NPAS3: variants seen among roughly 807,000 people sequenced by gnomAD.
The protein encoded by NPAS3 is neuronal PAS domain protein 3, also known as neuronal PAS domain-containing protein 3.
In NPAS3, 14 loss-of-function variants were observed where a neutral mutation model predicts 73.1. The ratio of observed to expected loss-of-function variants is 0.19; its 90% CI spans 0.13 to 0.30. The LOEUF (loss-of-function observed/expected upper bound fraction) is 0.30. NPAS3 is among the 10% of genes least tolerant of loss of function. The pLI is 1.00. For synonymous variants in NPAS3, 620 were observed against 541.5 expected (o/e 1.14, Z -2.01); for missense variants, 1,096 against 1,250.0 (o/e 0.88, Z 1.86).
At position 33,695,987 on chromosome 14, in the gene NPAS3, C is replaced by T. The variant is rs117768183; in HGVS notation, c.733+19602C>T. On this transcript the variant is annotated intron_variant, in intron 6 of 11. Transcript: ENST00000356141. The stretch of plus-strand genomic sequence containing the variant: ...GTTGAGAAATTGACTGTATTCCTCT[C>T]GAAGAAGAAATATTACTTTCTTTTC... Among the ~76,000 whole-genome samples the T allele has an allele frequency of 9.2e-3, 1,393 of 152,200 alleles. 13 individuals are homozygous for T. Among genetic ancestry groups the T allele is most frequent in the Non-Finnish European group, 0.016 (1,058 of 67,972 alleles).
chr14:33,726,006 C>T (rs2061254046), intron 6 of NPAS3, among the ~76,000 whole-genome samples: 2 of 152,150 alleles, frequency 1.3e-5, no homozygotes, highest in African/African-American at 4.8e-5. Flanking sequence ...TTTATTTCCC[C>T]CATTTCAAAG....
intron 2 of NPAS3, among the ~76,000 whole-genome samples, chr14:33,208,104 A>AG (rs1362301985): frequency 7.1e-5 from 5 of 70,422 alleles, no homozygotes; most frequent in South Asian, 3.2e-4. Flanking sequence ...ATAAAACTGC[A>AG]GTTTTTTTTT....
At position 33,520,393 on chromosome 14, in the gene NPAS3, TCTG is replaced by T. The variant is rs1377688180; in HGVS notation, c.469-39724_469-39722del. Among the ~76,000 whole-genome samples the T allele has an allele frequency of 5.3e-5, 8 of 152,112 alleles. 1 individual carries two copies. The highest frequency in any genetic ancestry group is 3.9e-4 in the Admixed American group (6 of 15,242). Reference sequence around the variant, plus strand: ...GTCTGAGTTTGGTTGTTTTGTTTCATCTGCTGAGGGAGGTTTGTTTTCTTTTTT... The same window carrying T: ...GTCTGAGTTTGGTTGTTTTGTTTCATCTGAGGGAGGTTTGTTTTCTTTTTT... On this transcript the variant is annotated intron_variant, in intron 4 of 11. Transcript: ENST00000356141.
intron 2 of NPAS3, among the ~76,000 whole-genome samples, chr14:33,152,261 G>C (rs1804387760): frequency 6.6e-6 from 1 of 152,118 alleles, no homozygotes; most frequent in South Asian, 2.1e-4. Context: ...CCAAGGTGTT[G>C]ATTTCAATAG....
At chr14:32,938,469 G>GAGAGAGAGAAATTGAC (rs2035777769), upstream of NPAS3, among the ~76,000 whole-genome samples, 2 of 124,678 alleles carry the variant, frequency 1.6e-5, no homozygotes, top group Non-Finnish European at 1.7e-5. Flanking sequence ...GAGAGAGAGA[G>GAGAGAGAGAAATTGAC]AGAGAGAGAG....
chr14:33,450,293 T>C (rs1390787888), intron 4 of NPAS3, among the ~76,000 whole-genome samples: 2 of 152,210 alleles, frequency 1.3e-5, no homozygotes, highest in South Asian at 2.1e-4. Flanking sequence ...TAGGTTCTGC[T>C]GATGCATCTG....
chr14:33,454,913 G>A (rs1421683567), intron 4 of NPAS3, among the ~76,000 whole-genome samples: 1 of 152,184 alleles, frequency 6.6e-6, no homozygotes, highest in Non-Finnish European at 1.5e-5. Flanking sequence ...CGTGCCCCCG[G>A]CTGAGTGAGT....
At chr14:33,247,597 A>C (rs1333374502) in intron 3 of NPAS3, among the ~76,000 whole-genome samples, 1 of 152,108 alleles carries the variant, frequency 6.6e-6, no homozygotes, top group Non-Finnish European at 1.5e-5. Context: ...CTTTTTGGTA[A>C]AATTCACTAC....
chr14:33,544,833 A>ATC (rs2054758798), intron 4 of NPAS3, among the ~76,000 whole-genome samples: 2 of 129,972 alleles, frequency 1.5e-5, no homozygotes, highest in African/African-American at 6.3e-5. Flanking sequence ...ATATATGTGT[A>ATC]TATATATATT....
At chr14:33,576,117 A>T (rs975163112) in intron 5 of NPAS3, among the ~76,000 whole-genome samples, 7 of 152,306 alleles carry the variant, frequency 4.6e-5, no homozygotes, top group South Asian at 2.1e-4. Context: ...TCTTAAATGA[A>T]ACAAATGCCA....
At chr14:33,586,287 T>A (rs2139913506) in intron 5 of NPAS3, among the ~76,000 whole-genome samples, 1 of 149,816 alleles carries the variant, frequency 6.7e-6, no homozygotes, top group South Asian at 2.1e-4. Flanking sequence ...TCCAAAAGGA[T>A]TTTGAGTTCC....
At chr14:32,952,151 T>C (rs907023699) in intron 1 of NPAS3, among the ~76,000 whole-genome samples, 2 of 152,106 alleles carry the variant, frequency 1.3e-5, no homozygotes, top group Admixed American at 6.6e-5. Context: ...CCTATAACTA[T>C]GTAGTTATAG....
At chr14:33,183,876 G>T (rs1259275775) in intron 2 of NPAS3, among the ~76,000 whole-genome samples, 4 of 152,034 alleles carry the variant, frequency 2.6e-5, no homozygotes, top group Admixed American at 2.0e-4. Flanking sequence ...CCCATAAATT[G>T]CCATACTGCT....
intron 4 of NPAS3, among the ~76,000 whole-genome samples, chr14:33,450,283 T>C (rs1264509085): frequency 6.6e-6 from 1 of 152,212 alleles, no homozygotes; most frequent in Non-Finnish European, 1.5e-5. Context: ...TGCCGTGTGG[T>C]AGGTTCTGCT....
chr14:33,620,500 G>T (rs947219040), intron 5 of NPAS3, among the ~76,000 whole-genome samples: 1 of 152,140 alleles, frequency 6.6e-6, no homozygotes, highest in Non-Finnish European at 1.5e-5. Flanking sequence ...TGTATGTGCT[G>T]TATATACGTG....
chr14:33,713,085 C>CA (rs1224382231), intron 6 of NPAS3, among the ~76,000 whole-genome samples: 1 of 152,130 alleles, frequency 6.6e-6, no homozygotes, highest in Non-Finnish European at 1.5e-5. Context: ...TGTTCTTTGT[C>CA]AGGAAAGCCA....
intron 4 of NPAS3, among the ~76,000 whole-genome samples, chr14:33,532,218 C>A (rs1192802854): frequency 6.6e-6 from 1 of 152,096 alleles, no homozygotes; most frequent in Non-Finnish European, 1.5e-5. Context: ...AAATCAACTC[C>A]ATTACTGAGC....
chr14:33,676,197 C>G lies in NPAS3; in HGVS notation c.559-14C>G, dbSNP rs779640826. On this transcript the variant is annotated splice_polypyrimidine_tract_variant and intron_variant, in intron 5 of 11. Coordinates refer to ENST00000356141, the Ensembl canonical transcript of NPAS3. ...ATAATGTCTTTCCTTCCCACCCTTT[C>G]TCTCGCCCTCTAGGTGGAGCTGACA... The G allele has an allele frequency of 6.2e-7, 1 of 1,613,244 alleles. No individual in the cohort carries two copies. Among genetic ancestry groups the G allele is most frequent in the Admixed American group, 1.7e-5 (1 of 59,902 alleles).
In NPAS3 at chr14:33,680,370, G is replaced by A. The variant is rs112098813; in HGVS notation, c.733+3985G>A. 9.1e-3 allele frequency among the ~76,000 whole-genome samples: 1,388 copies of A among 152,232 alleles called. 6 individuals are homozygous for A. Among genetic ancestry groups the A allele is most frequent in the Middle Eastern group, 0.054 (16 of 294 alleles). ...CTTCTTCCTGAATTCAGGGAAAAAG[G>A]AGTAAAGACCACCACCATCCCAACT... On this transcript the variant is annotated intron_variant, in intron 6 of 11. Transcript: ENST00000356141.
Sources: allele counts gnomAD v4.1 joint callset (sites outside exome capture counted in the v4.1 genomes callset), GRCh38; gene constraint gnomAD v4.1.1; transcripts MANE v1.5; gene names NCBI Gene and HGNC (gene_info 2026-07-23, HGNC 2026-07-21).